The following PCDHGA3 variants were observed in gnomAD, a reference collection of about 807,000 sequenced individuals.
PCDHGA3 encodes protocadherin gamma subfamily A, 3.
Under a neutral mutation model 58.5 loss-of-function variants are expected in PCDHGA3, and 40 were observed. The ratio of observed to expected loss-of-function variants is 0.68; its 90% CI spans 0.53 to 0.89. The LOEUF (loss-of-function observed/expected upper bound fraction) is 0.89, where lower values mean the gene tolerates loss of function less well. Among genes scored for constraint, PCDHGA3 ranks in the 40% least tolerant of loss-of-function variants. The pLI is 0.00. For synonymous variants in PCDHGA3, 530 were observed against 525.7 expected, an observed-to-expected ratio of 1.01 and a Z score of -0.11; for missense variants, 1,223 against 1,195.9, an observed-to-expected ratio of 1.02 and a Z score of -0.33.
At chr5:141,376,274 G>A (rs773118142) in intron 1 of PCDHGA3, 3 of 1,614,220 alleles carry the variant, frequency 1.9e-6, no homozygotes, top group Non-Finnish European at 1.7e-6. Flanking sequence ...TTCGGGAGGT[G>A]GCTTAGCGAG....
At chr5:141,362,441 A>G (rs761899854) in intron 1 of PCDHGA3, 1 of 1,614,052 alleles carries the variant, frequency 6.2e-7, no homozygotes, top group South Asian at 1.1e-5. Flanking sequence ...AATTTTCTGA[A>G]CATAACCCCG....
chr5:141,400,071 G>A (rs2093956056), intron 1 of PCDHGA3: 1 of 1,613,824 alleles, frequency 6.2e-7, no homozygotes, highest in African/African-American at 1.3e-5. Flanking sequence ...GTGGACAGCC[G>A]CCACTCTCCG....
At chr5:141,427,890 G>A in intron 1 of PCDHGA3, 1 of 1,566,844 alleles carries the variant, frequency 6.4e-7, no homozygotes, top group Non-Finnish European at 8.7e-7. Flanking sequence ...CCACGACCAG[G>A]GCTCGCCCGC....
chr5:141,361,675 G>T, intron 1 of PCDHGA3: 1 of 1,613,636 alleles, frequency 6.2e-7, no homozygotes, highest in Non-Finnish European at 8.5e-7. Context: ...GAGCGGGGTG[G>T]TGTTCGCGCA....
intron 1 of PCDHGA3, chr5:141,364,121 G>A: frequency 4.4e-6 from 2 of 459,268 alleles, no homozygotes; most frequent in Non-Finnish European, 7.6e-6. Context: ...GACTCTGAGT[G>A]TCGCTGTTGA....
rs1382741412 is a variant in PCDHGA3 at position 141,350,638 on chromosome 5, T to C, written c.2424+4181T>C. 5.6e-6 allele frequency: 9 copies of C among 1,613,928 alleles called. No homozygotes were observed. In the African/African-American group the frequency reaches 1.2e-4, roughly 22 times the overall value. The stretch of plus-strand genomic sequence containing the variant: ...TTGTAATCCAAGATATTAATGACAA[T>C]GCACCACGTTTCGTTGCAAAAGGCA... On this transcript the variant is annotated intron_variant, in intron 1 of 3. Coordinates refer to ENST00000253812, the MANE Select transcript of PCDHGA3 (RefSeq NM_018916.4).
intron 1 of PCDHGA3, chr5:141,475,997 G>T: frequency 8.4e-7 from 1 of 1,184,406 alleles, no homozygotes; most frequent in Non-Finnish European, 1.2e-6. Flanking sequence ...CAAATCAACG[G>T]CATCCAGAAA....
At chr5:141,453,101 TTTTTGTTTTG>T (rs879618609) in intron 1 of PCDHGA3, among the ~76,000 whole-genome samples, 16 of 152,130 alleles carry the variant, frequency 1.1e-4, no homozygotes, top group Middle Eastern at 3.4e-3. Flanking sequence ...TTCTGTTGCT[TTTTTGTTTTG>T]TTTTGTTTTG....
intron 1 of PCDHGA3, chr5:141,372,273 C>G (rs201775561): frequency 6.2e-7 from 1 of 1,613,108 alleles, no homozygotes; most frequent in Non-Finnish European, 8.5e-7. Flanking sequence ...GGGTGAGGTG[C>G]GCACGGCGCG....
At chr5:141,502,404 C>A (rs1270930372) in intron 2 of PCDHGA3, among the ~76,000 whole-genome samples, 1 of 151,880 alleles carries the variant, frequency 6.6e-6, no homozygotes, top group Non-Finnish European at 1.5e-5. Flanking sequence ...TGTCCCCGAA[C>A]CTGGATTTGC....
rs188727434 is a variant in PCDHGA3 at position 141,343,904 on chromosome 5, C to T, written c.-130C>T. 31 of 851,414 alleles carry T rather than the reference C, an allele frequency of 3.6e-5. No homozygotes were observed. The highest frequency in any genetic ancestry group is 2.9e-4 in the African/African-American group (17 of 58,150). 52.7% of individuals were successfully genotyped at this position (851,414 alleles called of 1,614,324 possible). A position where few individuals can be genotyped will look rare whatever the true frequency, so the allele number is the denominator to read the frequency against. ...GATCCGGGGCGGCTGCCAACCTCAC[C>T]TCTTAGTCAACCAGCTGTTTGACCT... On this transcript the variant is annotated 5_prime_UTR_variant, in exon 1 of 4. Transcript: ENST00000253812.
intron 1 of PCDHGA3, among the ~76,000 whole-genome samples, chr5:141,452,401 G>C (rs2098740635): frequency 6.6e-6 from 1 of 152,134 alleles, no homozygotes. Flanking sequence ...CTAAGATCTG[G>C]GTGTGAGGTA....
In PCDHGA3 at chr5:141,490,028, G is replaced by A. The variant is rs752883792; in HGVS notation, c.2425-4779G>A. ...GCACCCATTGGTACTCTGCTGCTCC[G>A]CCTCAATGCCACTGATCCAGACGAG... On this transcript the variant is annotated intron_variant, in intron 1 of 3. Coordinates refer to ENST00000253812, the MANE Select transcript of PCDHGA3 (RefSeq NM_018916.4). The surrounding 1 kb of genome is among the most constrained non-coding windows in gnomAD (Gnocchi z 5.4). 20 of 1,614,070 alleles carry A rather than the reference G, an allele frequency of 1.2e-5. 1 individual carries two copies. Among genetic ancestry groups the A allele is most frequent in the South Asian group, 3.3e-5 (3 of 91,090 alleles).
chr5:141,405,431 T>C (rs1308544171), intron 1 of PCDHGA3: 18 of 1,490,646 alleles, frequency 1.2e-5, no homozygotes, highest in Non-Finnish European at 1.6e-5. Context: ...TGTTTTGTTT[T>C]GTTTTTGAGA....
At position 141,487,152 on chromosome 5, in the gene PCDHGA3, C is replaced by T. The variant is rs772254681; in HGVS notation, c.2425-7655C>T. On this transcript the variant is annotated intron_variant, in intron 1 of 3. Coordinates refer to ENST00000253812, the MANE Select transcript of PCDHGA3 (RefSeq NM_018916.4). The surrounding 1 kb of genome is among the most constrained non-coding windows in gnomAD (Gnocchi z 5.0). ...AGTCCACCACTCTCTACCTCTGTTA[C>T]TCTCTTAGTGTCCTTAGAGGAAGAC... 3.7e-6 allele frequency: 6 copies of T among 1,613,860 alleles called. No homozygotes were observed. Among genetic ancestry groups the T allele is most frequent in the Non-Finnish European group, 5.1e-6 (6 of 1,179,828 alleles).
At chr5:141,351,084 C>T (rs2149760695) in intron 1 of PCDHGA3, 1 of 1,614,002 alleles carries the variant, frequency 6.2e-7, no homozygotes, top group Non-Finnish European at 8.5e-7. Context: ...GCAGAGATCA[C>T]CTATGCCTTC....
intron 1 of PCDHGA3, chr5:141,393,092 G>A (rs2092676024): frequency 6.2e-7 from 1 of 1,613,644 alleles, no homozygotes; most frequent in Non-Finnish European, 8.5e-7. Flanking sequence ...TAGATCGGGA[G>A]GAGCTCTGCG....
intron 1 of PCDHGA3, chr5:141,421,848 T>C (rs571838248): frequency 4.9e-5 from 79 of 1,613,634 alleles, no homozygotes; most frequent in Non-Finnish European, 6.0e-5. Flanking sequence ...AGAAAGAGGC[T>C]GCTCACCTGC....
At chr5:141,467,178 A>C (rs1344437465) in intron 1 of PCDHGA3, among the ~76,000 whole-genome samples, 1 of 151,604 alleles carries the variant, frequency 6.6e-6, no homozygotes, top group Non-Finnish European at 1.5e-5. Flanking sequence ...TCAGCCTCCC[A>C]AGTAGCTGGG....
Sources: allele counts gnomAD v4.1 joint callset (sites outside exome capture counted in the v4.1 genomes callset), GRCh38; gene constraint gnomAD v4.1.1; non-coding constraint Gnocchi (gnomAD v3.1); transcripts MANE v1.5; gene names NCBI Gene and HGNC (gene_info 2026-07-23, HGNC 2026-07-21).